PDE4B: variants seen among roughly 807,000 people sequenced by gnomAD.
PDE4B encodes the protein phosphodiesterase 4B.
Under a neutral mutation model 82.2 loss-of-function variants are expected in PDE4B, and 20 were observed. The observed-to-expected ratio is 0.24, with a 90% CI of 0.17 to 0.35. The LOEUF is 0.35. Ranked by LOEUF, PDE4B falls within the 10% of genes least tolerant of loss-of-function variation. PDE4B has a pLI of 1.00. For synonymous variants in PDE4B, 320 were observed against 318.9 expected (o/e 1.00, Z -0.04); for missense variants, 655 against 907.2 (o/e 0.72, Z 3.57).
At chr1:66,259,959 T>C (rs1654559346) in intron 6 of PDE4B, among the ~76,000 whole-genome samples, 1 of 152,188 alleles carries the variant, frequency 6.6e-6, no homozygotes, top group African/African-American at 2.4e-5. Context: ...TTTTCTAATG[T>C]GTAAAATAGG....
chr1:65,981,156 A>G (rs1452021427), intron 3 of PDE4B, among the ~76,000 whole-genome samples: 1 of 152,176 alleles, frequency 6.6e-6, no homozygotes, highest in Non-Finnish European at 1.5e-5. Flanking sequence ...ATTTCTACCT[A>G]TAATACTTAA....
intron 8 of PDE4B, among the ~76,000 whole-genome samples, chr1:66,348,958 G>A (rs953850344): frequency 6.6e-6 from 1 of 152,050 alleles, no homozygotes; most frequent in East Asian, 1.9e-4. Flanking sequence ...ATCACTTTGG[G>A]TCTAGGAAAC....
chr1:66,189,783 C>A (rs987311983), intron 3 of PDE4B, among the ~76,000 whole-genome samples: 1 of 152,118 alleles, frequency 6.6e-6, no homozygotes, highest in Non-Finnish European at 1.5e-5. Flanking sequence ...GTTCGAACTT[C>A]CTCCTTTAGC....
At chr1:66,191,933 C>G (rs1647845463) in intron 3 of PDE4B, among the ~76,000 whole-genome samples, 1 of 152,066 alleles carries the variant, frequency 6.6e-6, no homozygotes, top group South Asian at 2.1e-4. Context: ...GGAAAACACC[C>G]CATGATTTCA....
Position 66,247,516 on chromosome 1 carries a change from G to C in PDE4B, c.338G>C (p.Ser113Thr), listed in dbSNP as rs760852564. 4 of 1,610,202 alleles carry C rather than the reference G, an allele frequency of 2.5e-6. No homozygotes were observed. Among genetic ancestry groups the C allele is most frequent in the African/African-American group, 2.7e-5 (2 of 74,704 alleles). Residue 113 changes from serine to threonine, a missense_variant, in exon 4 of 17, where the codon AGC becomes ACC. Ser to Thr is a moderately conservative substitution (Grantham distance 58, BLOSUM62 1). Around this residue, in one of 3 missense-constraint regions of PDE4B, gnomAD observed 253 missense variants for 275.6 expected, o/e 0.92. Coordinates refer to ENST00000341517, the MANE Select transcript of PDE4B (RefSeq NM_002600.4). ...CGGAGTCCACTGGATCCCCAGGCCA[G>C]CTCTTCCGCTGGGCTGGTACTTCAC... ...PGRSPLDPQA[S>T]SSAGLVLHAT...
chr1:66,158,666 A>G (rs1646549556), intron 3 of PDE4B, among the ~76,000 whole-genome samples: 1 of 152,242 alleles, frequency 6.6e-6, no homozygotes, highest in Non-Finnish European at 1.5e-5. Flanking sequence ...ATTATTCACA[A>G]TAGCCAAAAT....
At chr1:66,081,444 A>G (rs534854203) in intron 3 of PDE4B, among the ~76,000 whole-genome samples, 1 of 152,272 alleles carries the variant, frequency 6.6e-6, no homozygotes, top group African/African-American at 2.4e-5. Context: ...ACCTTATAAA[A>G]GAAATTTAGT....
rs576795976 is a variant in PDE4B at position 66,093,844 on chromosome 1, T to A, written c.282-153616T>A. On this transcript the variant is annotated intron_variant, in intron 3 of 16. Coordinates refer to ENST00000341517, the MANE Select transcript of PDE4B (RefSeq NM_002600.4). The stretch of plus-strand genomic sequence containing the variant: ...GGGAAAAAAAGCATAACACAACTTA[T>A]GCCGCTCATATCATTAAGACAAATA... 6.6e-5 allele frequency among the ~76,000 whole-genome samples: 10 copies of A among 152,182 alleles called. No homozygotes were observed. The South Asian group carries it at 2.1e-3, about 32-fold the overall frequency.
At chr1:65,907,967 A>T (rs1286713853) in intron 1 of PDE4B, among the ~76,000 whole-genome samples, 1 of 152,162 alleles carries the variant, frequency 6.6e-6, no homozygotes, top group Non-Finnish European at 1.5e-5. Flanking sequence ...GCTCTGAGGC[A>T]GAGGCAGCCA....
At chr1:66,344,680 A>G (rs79112843) in intron 8 of PDE4B, among the ~76,000 whole-genome samples, 107 of 152,350 alleles carry the variant, frequency 7.0e-4, no homozygotes, top group Non-Finnish European at 1.4e-3. Context: ...AAAGTTAAAT[A>G]CATTGGGTTA....
Position 66,372,394 on chromosome 1 carries a change from G to A in PDE4B, c.1927G>A (p.Asp643Asn), listed in dbSNP as rs114393853. ...LVQPDAQDILDTLEDNRNWYQ... is the reference protein window; with the variant it reads ...LVQPDAQDILNTLEDNRNWYQ... ...ACAGCCTGATGCTCAGGACATTCTC[G>A]ATACCTTAGAAGATAACAGGAACTG... Residue 643 changes from aspartate (D) to asparagine (N), a missense_variant, in exon 17 of 17, where the codon GAT (aspartate) becomes AAT (asparagine). Physicochemically the swap from Asp to Asn is conservative, Grantham distance 23. Around this residue, in one of 3 missense-constraint regions of PDE4B, gnomAD observed 119 missense variants for 115.2 expected, o/e 1.03. Coordinates refer to ENST00000341517, the MANE Select transcript of PDE4B (RefSeq NM_002600.4). 14 of 1,614,054 alleles carry A rather than the reference G, an allele frequency of 8.7e-6. No individual in the cohort carries two copies. Among genetic ancestry groups the A allele is most frequent in the East Asian group, 2.2e-5 (1 of 44,890 alleles).
chr1:66,079,226 A>G (rs1656599543), intron 3 of PDE4B, among the ~76,000 whole-genome samples: 1 of 132,864 alleles, frequency 7.5e-6, no homozygotes. Flanking sequence ...GTCTCTCTCA[A>G]TTTCATTTAA....
chr1:65,861,646 C>A (rs1263560528), intron 1 of PDE4B, among the ~76,000 whole-genome samples: 1 of 152,082 alleles, frequency 6.6e-6, no homozygotes, highest in Non-Finnish European at 1.5e-5. Flanking sequence ...GGCCATAAGG[C>A]CATTTTCATG....
At chr1:65,959,507 T>C (rs1047117505) in intron 3 of PDE4B, among the ~76,000 whole-genome samples, 4 of 152,150 alleles carry the variant, frequency 2.6e-5, no homozygotes, top group Non-Finnish European at 4.4e-5. Flanking sequence ...AATTAACTCA[T>C]TTGCAGATGG....
chr1:66,281,427 C>A (rs770920602), intron 7 of PDE4B, among the ~76,000 whole-genome samples: 2 of 152,202 alleles, frequency 1.3e-5, no homozygotes, highest in African/African-American at 2.4e-5. Context: ...CACTAGAGAT[C>A]TGGAAGAAAA....
intron 3 of PDE4B, among the ~76,000 whole-genome samples, chr1:66,149,437 G>T (rs1165965226): frequency 7.2e-5 from 11 of 152,128 alleles, no homozygotes; most frequent in Middle Eastern, 6.8e-3. Flanking sequence ...ATTATCATTT[G>T]TAGCACATTA....
intron 7 of PDE4B, among the ~76,000 whole-genome samples, chr1:66,326,074 C>T (rs1022643921): frequency 1.3e-5 from 2 of 152,186 alleles, no homozygotes; most frequent in East Asian, 1.9e-4. Context: ...TTAAAACCAA[C>T]ATTTGTCGTT....
intron 1 of PDE4B, among the ~76,000 whole-genome samples, chr1:65,895,822 G>A (rs1361003687): frequency 1.3e-5 from 2 of 149,418 alleles, no homozygotes; most frequent in Non-Finnish European, 1.5e-5. Flanking sequence ...GAGAATAAAG[G>A]CAATTTTCTC....
At chr1:66,316,486 A>G (rs530641042) in intron 7 of PDE4B, among the ~76,000 whole-genome samples, 207 of 152,324 alleles carry the variant, frequency 1.4e-3, no homozygotes, top group African/African-American at 4.8e-3. Flanking sequence ...TCTAGTTGTT[A>G]TATGTGTGAA....
Sources: gnomAD v4.1 joint callset for allele counts (sites outside exome capture counted in the v4.1 genomes callset) on GRCh38, gnomAD v4.1.1 for gene constraint, gnomAD v4.1.1 regional missense constraint, MANE v1.5 for transcripts, NCBI Gene and HGNC (gene_info 2026-07-23, HGNC 2026-07-21) for gene names.